SHANK2: variants seen among roughly 807,000 people sequenced by gnomAD.
The protein encoded by SHANK2 is SH3 and multiple ankyrin repeat domains 2.
SHANK2 carries 43 observed loss-of-function variants against 133.7 expected under a neutral mutation model. That is an observed-to-expected ratio of 0.32 (90% CI 0.25 to 0.41). SHANK2 has a LOEUF of 0.41. Ranked by LOEUF, SHANK2 falls within the 10% of genes least tolerant of loss-of-function variation. SHANK2 has a pLI of 1.00. For synonymous variants in SHANK2, 1,017 were observed against 952.8 expected (o/e 1.07, Z -1.24); for missense variants, 1,994 against 2,235.8 (o/e 0.89, Z 2.18).
At chr11:71,057,582 C>A (rs1395173730) in intron 9 of SHANK2, among the ~76,000 whole-genome samples, 1 of 152,134 alleles carries the variant, frequency 6.6e-6, no homozygotes, top group Non-Finnish European at 1.5e-5. Context: ...CACAGTCTTG[C>A]TCTGTTGCCG....
intron 14 of SHANK2, among the ~76,000 whole-genome samples, chr11:70,790,997 T>A (rs1947775439): frequency 6.6e-6 from 1 of 152,072 alleles, no homozygotes; most frequent in South Asian, 2.1e-4. Flanking sequence ...CTTGGTCACA[T>A]CATGGAGAAA....
intron 17 of SHANK2, chr11:70,570,600 G>T (rs183213220): frequency 6.6e-6 from 1 of 152,460 alleles, no homozygotes; most frequent in African/African-American, 2.4e-5. Flanking sequence ...CCACAGCTGC[G>T]GCCTCCAGTG....
chr11:70,510,819 T>G (rs1271877454), intron 17 of SHANK2, among the ~76,000 whole-genome samples: 1 of 152,192 alleles, frequency 6.6e-6, no homozygotes, highest in Non-Finnish European at 1.5e-5. Flanking sequence ...CCTTCCCCTT[T>G]CCTGGTGAAG....
chr11:70,785,529 A>C (rs1234658250), intron 14 of SHANK2, among the ~76,000 whole-genome samples: 2 of 152,200 alleles, frequency 1.3e-5, no homozygotes, highest in Non-Finnish European at 2.9e-5. Flanking sequence ...AGTGGAGCAG[A>C]GGCAGCCTGC....
At chr11:71,248,168 C>T (rs1954987496) in intron 1 of SHANK2, among the ~76,000 whole-genome samples, 2 of 152,234 alleles carry the variant, frequency 1.3e-5, no homozygotes, top group South Asian at 2.1e-4. Flanking sequence ...GCAGGGAAGG[C>T]TTGCATCAGA....
chr11:70,616,358 C>T (rs1301293464), intron 17 of SHANK2, among the ~76,000 whole-genome samples: 1 of 152,054 alleles, frequency 6.6e-6, no homozygotes, highest in Non-Finnish European at 1.5e-5. Context: ...CAAGAGGAGG[C>T]CCTCCCCAGC....
intron 14 of SHANK2, chr11:70,706,048 T>C (rs1041704365): frequency 6.5e-6 from 1 of 152,944 alleles, no homozygotes; most frequent in African/African-American, 2.4e-5. Flanking sequence ...CACGTGGCCC[T>C]GCCTGCTCCC....
At chr11:71,234,367 A>T (rs1196002302) in intron 1 of SHANK2, among the ~76,000 whole-genome samples, 1 of 139,154 alleles carries the variant, frequency 7.2e-6, no homozygotes, top group African/African-American at 2.7e-5. Flanking sequence ...TCTCAAAAAT[A>T]AATAAATAAA....
rs73521165 is a variant in SHANK2 at position 71,116,351 on chromosome 11, T to C, written c.411+2478A>G. Among the ~76,000 whole-genome samples the C allele has an allele frequency of 4.6e-3, 705 of 152,356 alleles. 8 individuals carry two copies. The highest frequency in any genetic ancestry group is 0.016 in the African/African-American group (677 of 41,582). On this transcript the variant is annotated intron_variant, in intron 4 of 25. Coordinates refer to ENST00000601538, the MANE Select transcript of SHANK2 (RefSeq NM_012309.5). ...GTAGAAATGATCCGTTTCTGGCTTC[T>C]CTTAACTGACGTAACCCAACACGTA...
chr11:70,672,126 C>T (rs992639639), intron 15 of SHANK2, among the ~76,000 whole-genome samples: 1 of 147,362 alleles, frequency 6.8e-6, no homozygotes, highest in Non-Finnish European at 1.5e-5. Flanking sequence ...TGCAGTGGCG[C>T]GATCTTGGCT....
chr11:70,888,536 C>T (rs578062782), intron 11 of SHANK2, among the ~76,000 whole-genome samples: 61 of 152,154 alleles, frequency 4.0e-4, no homozygotes, highest in Non-Finnish European at 6.8e-4. Flanking sequence ...AGAGTAGGGC[C>T]GAGCGCGGTG....
At chr11:71,102,590 A>C (rs1159296649) in intron 6 of SHANK2, among the ~76,000 whole-genome samples, 1 of 152,194 alleles carries the variant, frequency 6.6e-6, no homozygotes, top group Non-Finnish European at 1.5e-5. Context: ...CTCACTGTGG[A>C]GAGGCTAAAA....
intron 10 of SHANK2, among the ~76,000 whole-genome samples, chr11:70,920,108 C>T (rs1555080481): frequency 6.6e-6 from 1 of 152,222 alleles, no homozygotes; most frequent in African/African-American, 2.4e-5. Flanking sequence ...GACCCTACCT[C>T]ATAGGGCATT....
Position 70,828,147 on chromosome 11 carries a change from G to A in SHANK2, c.1175-7465C>T, listed in dbSNP as rs141718246. 5.0e-3 allele frequency among the ~76,000 whole-genome samples: 762 copies of A among 152,268 alleles called. 4 individuals carry two copies. Among genetic ancestry groups the A allele is most frequent in the African/African-American group, 0.017 (711 of 41,530 alleles). On this transcript the variant is annotated intron_variant, in intron 11 of 25. Transcript: ENST00000601538. ...TAATTTAAAAACATTAGCCGGGTGT[G>A]GTCGTGCGCCTGTGGTCCCAGCTAC...
At chr11:70,575,518 C>CAAAAAAAAAAAA (rs71049923) in intron 17 of SHANK2, among the ~76,000 whole-genome samples, 14 of 139,514 alleles carry the variant, frequency 1.0e-4, no homozygotes, top group African/African-American at 3.9e-4. Context: ...GACTCTGCCT[C>CAAAAAAAAAAAA]AAAAAAAAAA....
Position 70,770,767 on chromosome 11 carries a change from C to T in SHANK2, c.1777+27676G>A, listed in dbSNP as rs554841860. Among the ~76,000 whole-genome samples the T allele has an allele frequency of 2.0e-5, 3 of 152,228 alleles. No individual in the cohort carries two copies. The South Asian group carries it at 6.2e-4, about 32-fold the overall frequency. ...CTCTCTCCGAGGAAAAGTAACCTTTCCCCCAGGTTCCTGCTCTGGGATCAG... is the reference window on the plus strand; with the variant it reads ...CTCTCTCCGAGGAAAAGTAACCTTTTCCCCAGGTTCCTGCTCTGGGATCAG... On this transcript the variant is annotated intron_variant, in intron 14 of 25. Transcript: ENST00000601538.
chr11:71,137,143 G>A (rs2135362195), intron 3 of SHANK2, among the ~76,000 whole-genome samples: 1 of 152,226 alleles, frequency 6.6e-6, no homozygotes, highest in African/African-American at 2.4e-5. Flanking sequence ...GATTACAGGT[G>A]TGAGCCACTG....
intron 11 of SHANK2, among the ~76,000 whole-genome samples, chr11:70,869,245 C>T (rs1427597121): frequency 6.6e-6 from 1 of 152,194 alleles, no homozygotes; most frequent in Admixed American, 6.5e-5. Context: ...CTTGTGTAAG[C>T]CTCCCTGTCT....
At chr11:70,838,471 A>AGTAAAACTATCAGTG (rs1948856810) in intron 11 of SHANK2, among the ~76,000 whole-genome samples, 2 of 152,150 alleles carry the variant, frequency 1.3e-5, no homozygotes, top group South Asian at 4.1e-4. Context: ...TCAAGTAGGT[A>AGTAAAACTATCAGTG]GTAAAACTAT....
Sources: allele counts gnomAD v4.1 joint callset (sites outside exome capture counted in the v4.1 genomes callset), GRCh38; gene constraint gnomAD v4.1.1; transcripts MANE v1.5; gene names NCBI Gene and HGNC (gene_info 2026-07-23, HGNC 2026-07-21).